Variants in RSL1D1 observed in about 807,000 individuals in gnomAD.
The protein encoded by RSL1D1 is ribosomal L1 domain containing 1, also known as ribosomal L1 domain-containing protein 1.
RSL1D1 carries 34 observed loss-of-function variants against 44.6 expected under a neutral mutation model. The observed-to-expected ratio is 0.76, with a 90% confidence interval of 0.58 to 1.02. The LOEUF (loss-of-function observed/expected upper bound fraction) is 1.02, where lower values mean the gene tolerates loss of function less well. Ranked by LOEUF, RSL1D1 falls within the 50% of genes least tolerant of loss-of-function variation. The probability of loss-of-function intolerance (pLI) is 0.00; values close to 1 mark genes in which losing one functional copy is unlikely to be tolerated. For missense variants in RSL1D1, 767 were observed against 568.1 expected, an observed-to-expected ratio of 1.35 and a Z score of -3.56; for synonymous variants, 271 against 207.4, an observed-to-expected ratio of 1.31 and a Z score of -2.63.
At chr16:11,839,545 AAGG>A (rs1490512000) in intron 8 of RSL1D1, 147 bp downstream of exon 8, 55 of 812,384 alleles carry the variant, frequency 6.8e-5, no homozygotes, top group Non-Finnish European at 9.5e-5. Flanking sequence ...AAAAAAAAAA[AAGG>A]TACAATAAAT....
Position 11,851,542 on chromosome 16 carries a change from T to A in RSL1D1, c.-30A>T, listed in dbSNP as rs749108594. ...TTTCCACCTCGTGAAGAGGCGCGTG[T>A]GCAACCCCACTGCTGGCTTCTGGTG... On this transcript the variant is annotated 5_prime_UTR_variant, in exon 1 of 9. Coordinates refer to ENST00000571133, the MANE Select transcript of RSL1D1 (RefSeq NM_015659.3). 1.9e-6 allele frequency: 3 copies of A among 1,604,136 alleles called. No homozygotes were observed. Among genetic ancestry groups the A allele is most frequent in the Non-Finnish European group, 8.5e-7 (1 of 1,173,390 alleles).
At chr16:11,841,421 A>T (rs904994393) in intron 7 of RSL1D1, 1 of 293,206 alleles carries the variant, frequency 3.4e-6, no homozygotes, top group Middle Eastern at 1.3e-3. Flanking sequence ...AAAAAAACCC[A>T]GCAAGCACTG....
intron 2 of RSL1D1, chr16:11,849,325 T>G (rs11075025): frequency 6.6e-6 from 1 of 151,092 alleles, no homozygotes; most frequent in East Asian, 1.9e-4. Context: ...GAGGTTGAGG[T>G]TGCAGTGAAC....
At chr16:11,838,289 G>A (rs1013727291) in intron 8 of RSL1D1, among the ~76,000 whole-genome samples, 176 bp from the exon 9 acceptor site, 1 of 152,004 alleles carries the variant, frequency 6.6e-6, no homozygotes, top group African/African-American at 2.4e-5. Context: ...TGCCTCCCGA[G>A]TAGCTGGTAT....
intron 8 of RSL1D1, among the ~76,000 whole-genome samples, chr16:11,838,619 G>C (rs1466840062): frequency 6.6e-6 from 1 of 151,898 alleles, no homozygotes; most frequent in Non-Finnish European, 1.5e-5. Flanking sequence ...CACTATGGAA[G>C]GCTGAGGCAG....
At position 11,846,529 on chromosome 16, in the gene RSL1D1, A is replaced by G; in HGVS notation, c.607T>C (p.Leu203=). 6.3e-7 allele frequency: 1 copy of G among 1,595,716 alleles called. No homozygotes were observed. Among genetic ancestry groups the G allele is most frequent in the Non-Finnish European group, 8.5e-7 (1 of 1,171,382 alleles). Reference sequence around the variant, plus strand: ...CAAGAACCACTTTTAGAAATGTTTAAGACTGTTCCACCTATACAGTCATTG... The same window carrying G: ...CAAGAACCACTTTTAGAAATGTTTAGGACTGTTCCACCTATACAGTCATTG... ...EINDCIGGTV[L]NISKSGSCSA... Residue 203 remains leucine (L), a synonymous_variant, in exon 5 of 9, where the codon TTA becomes CTA. Transcript: ENST00000571133.
chr16:11,842,230 G>C (rs1307410569), intron 5 of RSL1D1, among the ~76,000 whole-genome samples: 1 of 151,890 alleles, frequency 6.6e-6, no homozygotes, highest in African/African-American at 2.4e-5. Flanking sequence ...AGGAGGCTGA[G>C]GCAGAAAAAT....
At position 11,848,651 on chromosome 16, in the gene RSL1D1, G is replaced by C. The variant is rs74353747; in HGVS notation, c.246-845C>G. On this transcript the variant is annotated intron_variant, in intron 2 of 8. Coordinates refer to ENST00000571133, the MANE Select transcript of RSL1D1 (RefSeq NM_015659.3). ...CCAGGCACGTACCAGTTGGGTGTAG[G>C]CCCAGCTAATTTTTGTATTTTTCGT... Among the ~76,000 whole-genome samples, 1,200 of 152,198 alleles carry C rather than the reference G, an allele frequency of 7.9e-3. 11 individuals are homozygous for C. Among genetic ancestry groups the C allele is most frequent in the African/African-American group, 0.027 (1,134 of 41,530 alleles).
intron 2 of RSL1D1, among the ~76,000 whole-genome samples, chr16:11,849,992 T>A (rs1264159597): frequency 6.6e-6 from 1 of 152,194 alleles, no homozygotes; most frequent in African/African-American, 2.4e-5. Flanking sequence ...CATGCCTGGC[T>A]AATTTTTGTA....
At chr16:11,849,851 T>C (rs2053824618) in intron 2 of RSL1D1, among the ~76,000 whole-genome samples, 1 of 149,190 alleles carries the variant, frequency 6.7e-6, no homozygotes, top group African/African-American at 2.4e-5. Flanking sequence ...TTTTATTTTT[T>C]ATTATTTTTT....
At chr16:11,846,960 C>T (rs2053803435) in intron 3 of RSL1D1, 117 bp from the exon 4 acceptor site, 1 of 872,398 alleles carries the variant, frequency 1.1e-6, no homozygotes, top group African/African-American at 1.7e-5. Context: ...TGCCTCTATA[C>T]TTTAATGAAC....
At chr16:11,846,878 T>C (rs753378501) in intron 3 of RSL1D1, 35 bp from the exon 4 acceptor site, 1 of 1,541,390 alleles carries the variant, frequency 6.5e-7, no homozygotes, top group Non-Finnish European at 8.9e-7. Context: ...AACAAGAAGT[T>C]AGGAATCTAA....
chr16:11,836,362 A>T lies in RSL1D1; in HGVS notation c.*1425T>A, dbSNP rs151176798. On this transcript the variant is annotated 3_prime_UTR_variant, in exon 9 of 9. Coordinates refer to ENST00000571133, the MANE Select transcript of RSL1D1 (RefSeq NM_015659.3). ...ACAGATGTAAGCCACTGCATCTAGC[A>T]CCCACATTATCTTTGAAAGCAGTTG... 1 of 152,172 alleles carries T rather than the reference A, an allele frequency of 6.6e-6. No homozygotes were observed. The highest frequency in any genetic ancestry group is 6.6e-5 in the Admixed American group (1 of 15,260). 9.4% of individuals were successfully genotyped at this position (152,172 alleles called of 1,614,324 possible).
chr16:11,837,171 T>A lies in RSL1D1; in HGVS notation c.*616A>T, dbSNP rs1164479457. ...TTTTTTCTTTTGTAGAGATGGGGTT[T>A]TACCAAGTTGCCCAGGCTAGTCTCA... On this transcript the variant is annotated 3_prime_UTR_variant, in exon 9 of 9. Coordinates refer to ENST00000571133, the MANE Select transcript of RSL1D1 (RefSeq NM_015659.3). 6.6e-6 allele frequency: 1 copy of A among 152,190 alleles called. No homozygotes were observed. Among genetic ancestry groups the A allele is most frequent in the African/African-American group, 2.4e-5 (1 of 41,312 alleles). The allele number at this position is 152,190 out of a possible 1,614,324, so 9.4% of individuals were successfully genotyped here.
At chr16:11,850,664 G>A (rs1567422481) in intron 1 of RSL1D1, among the ~76,000 whole-genome samples, 1 of 152,158 alleles carries the variant, frequency 6.6e-6, no homozygotes, top group Non-Finnish European at 1.5e-5. Flanking sequence ...GTGTGCAGAA[G>A]GGCACCTCTT....
Position 11,835,110 on chromosome 16 carries a change from A to G in RSL1D1, c.*2677T>C, listed in dbSNP as rs2053707275. On this transcript the variant is annotated 3_prime_UTR_variant, in exon 9 of 9. Transcript: ENST00000571133. ...GGAACAGAGTAAGACCATCTCCCCC[A>G]CTGCCCGCTACTCTCGCTACCAAAA... 1 of 152,204 alleles carries G rather than the reference A, an allele frequency of 6.6e-6. No homozygotes were observed. The highest frequency in any genetic ancestry group is 2.1e-4 in the South Asian group (1 of 4,828). The allele number at this position is 152,204 out of a possible 1,614,324, so 9.4% of individuals were successfully genotyped here.
In RSL1D1 at chr16:11,833,877, T is replaced by TA. The variant is rs1052915941; in HGVS notation, c.*3909dup. 3 of 150,902 alleles carry TA rather than the reference T, an allele frequency of 2.0e-5. No homozygotes were observed. Among genetic ancestry groups the TA allele is most frequent in the Non-Finnish European group, 2.9e-5 (2 of 67,992 alleles). 9.3% of individuals were successfully genotyped at this position (150,902 alleles called of 1,614,324 possible). A position where few individuals can be genotyped will look rare whatever the true frequency, so the allele number is the denominator to read the frequency against. On this transcript the variant is annotated 3_prime_UTR_variant, in exon 9 of 9. Coordinates refer to ENST00000571133, the MANE Select transcript of RSL1D1 (RefSeq NM_015659.3). The stretch of plus-strand genomic sequence containing the variant: ...GCATTTAAAATGAAATTTTAATTAT[T>TA]ACGATTCCTAAAAAACAAATGAACT...
chr16:11,845,766 G>C (rs1269800279), intron 5 of RSL1D1, among the ~76,000 whole-genome samples: 2 of 151,416 alleles, frequency 1.3e-5, no homozygotes, highest in African/African-American at 4.9e-5. Flanking sequence ...CTGTCATTCA[G>C]ACTGGAGAAC....
At chr16:11,838,867 A>C (rs1010026442) in intron 8 of RSL1D1, among the ~76,000 whole-genome samples, 5 of 150,080 alleles carry the variant, frequency 3.3e-5, no homozygotes, top group Admixed American at 6.6e-5. Context: ...AAAAAAAAAA[A>C]ACAAAAAAAA....
Sources: gnomAD v4.1 joint callset for allele counts (sites outside exome capture counted in the v4.1 genomes callset) on GRCh38, gnomAD v4.1.1 for gene constraint, MANE v1.5 for transcripts, NCBI Gene and HGNC (gene_info 2026-07-23, HGNC 2026-07-21) for gene names.